Variants in ERC2 observed in about 807,000 individuals in gnomAD.
The protein encoded by ERC2 is ELKS/RAB6-interacting/CAST family member 2.
A neutral mutation model predicts 114.8 loss-of-function variants in ERC2; 42 were observed. The ratio of observed to expected loss-of-function variants is 0.37; its 90% CI spans 0.29 to 0.47. The LOEUF (loss-of-function observed/expected upper bound fraction) is 0.47. Among genes scored for constraint, ERC2 ranks in the 20% least tolerant of loss-of-function variants. The pLI, the probability that ERC2 is intolerant of heterozygous loss-of-function variation, is 0.99. For missense variants in ERC2, 939 were observed against 1,150.7 expected (o/e 0.82, Z 2.66); for synonymous variants, 454 against 425.5 (o/e 1.07, Z -0.82).
At position 55,622,171 on chromosome 3, in the gene ERC2, C is replaced by T. The variant is rs370155327; in HGVS notation, c.*39+61623G>A. On this transcript the variant is annotated intron_variant, in intron 17 of 17. Transcript: ENST00000288221. ...CGGCCACACTTCCCTTGGTAAAGAA[C>T]GCTTTGCTTTCGATGACCAAAACAA... is the stretch of plus-strand genomic sequence containing the variant. Among the ~76,000 whole-genome samples the T allele has an allele frequency of 3.3e-5, 5 of 152,298 alleles. No homozygotes were observed. The South Asian group carries it at 6.2e-4, about 19-fold the overall frequency.
intron 17 of ERC2, among the ~76,000 whole-genome samples, chr3:55,671,593 A>C (rs2061562315): frequency 6.6e-6 from 1 of 152,160 alleles, no homozygotes; most frequent in African/African-American, 2.4e-5. Flanking sequence ...TATGCCCATT[A>C]AGCTCCACAT....
chr3:56,401,678 G>A (rs1284499838), intron 2 of ERC2, among the ~76,000 whole-genome samples: 1 of 152,096 alleles, frequency 6.6e-6, no homozygotes, highest in East Asian at 1.9e-4. Context: ...ATAGCTGCTG[G>A]GCAAAGGTGA....
intron 17 of ERC2, among the ~76,000 whole-genome samples, chr3:55,521,123 T>C (rs937520314): frequency 6.6e-6 from 1 of 152,226 alleles, no homozygotes; most frequent in East Asian, 1.9e-4. Flanking sequence ...TGAGGTGGAA[T>C]GCCATTTACT....
At chr3:56,173,668 T>C (rs965253864) in intron 3 of ERC2, 148 bp from the exon 4 acceptor site, 2 of 635,188 alleles carry the variant, frequency 3.1e-6, no homozygotes, top group African/African-American at 1.9e-5. Flanking sequence ...CCACACTCTT[T>C]AGCATCCCTC....
At chr3:56,209,496 A>C (rs1056258851) in intron 3 of ERC2, among the ~76,000 whole-genome samples, 5 of 152,194 alleles carry the variant, frequency 3.3e-5, no homozygotes, top group African/African-American at 1.2e-4. Context: ...GAGGGTGTAG[A>C]CCATTTCTGT....
chr3:56,188,730 T>G (rs2083793243), intron 3 of ERC2, among the ~76,000 whole-genome samples: 1 of 152,206 alleles, frequency 6.6e-6, no homozygotes, highest in African/African-American at 2.4e-5. Flanking sequence ...GTCCAGCTTC[T>G]CTCTCCCAGC....
At chr3:55,603,322 C>A in intron 17 of ERC2, among the ~76,000 whole-genome samples, 1 of 152,126 alleles carries the variant, frequency 6.6e-6, no homozygotes, top group African/African-American at 2.4e-5. Flanking sequence ...GTTCTTGGAT[C>A]CAGAAGTCCT....
intron 14 of ERC2, among the ~76,000 whole-genome samples, chr3:55,809,866 T>C (rs1022829294): frequency 6.6e-6 from 1 of 152,180 alleles, no homozygotes; most frequent in African/African-American, 2.4e-5. Context: ...CATTTTCAGA[T>C]ACACCAAATA....
At chr3:56,194,058 C>A (rs1575768920) in intron 3 of ERC2, among the ~76,000 whole-genome samples, 1 of 152,128 alleles carries the variant, frequency 6.6e-6, no homozygotes, top group African/African-American at 2.4e-5. Context: ...TCTACATTTT[C>A]CATCATGCCA....
intron 10 of ERC2, among the ~76,000 whole-genome samples, chr3:55,994,523 T>C (rs2071338647): frequency 1.3e-5 from 2 of 151,756 alleles, no homozygotes. Flanking sequence ...CGGGGGGAGA[T>C]ATTACTCACT....
intron 12 of ERC2, among the ~76,000 whole-genome samples, chr3:55,965,395 G>A (rs1179522289): frequency 6.6e-6 from 1 of 152,184 alleles, no homozygotes; most frequent in Non-Finnish European, 1.5e-5. Flanking sequence ...AATTTAAGTA[G>A]TCTCATGTGG....
At chr3:55,511,882 G>A (rs1021553113) in intron 17 of ERC2, among the ~76,000 whole-genome samples, 1 of 152,184 alleles carries the variant, frequency 6.6e-6, no homozygotes, top group African/African-American at 2.4e-5. Context: ...ATCCTGGGAA[G>A]CAATAGTGCA....
intron 10 of ERC2, among the ~76,000 whole-genome samples, chr3:56,001,107 T>G (rs1430294271): frequency 7.6e-6 from 1 of 131,066 alleles, no homozygotes; most frequent in African/African-American, 2.9e-5. Context: ...AACACAAGAG[T>G]GAGAGAAGGA....
At chr3:55,576,741 C>T (rs912251189) in intron 17 of ERC2, among the ~76,000 whole-genome samples, 1 of 152,248 alleles carries the variant, frequency 6.6e-6, no homozygotes, top group Non-Finnish European at 1.5e-5. Context: ...GGGCTGACGG[C>T]CCCGTCCTCG....
intron 12 of ERC2, among the ~76,000 whole-genome samples, chr3:55,975,759 G>A (rs1208737573): frequency 1.3e-5 from 2 of 152,038 alleles, no homozygotes; most frequent in Non-Finnish European, 2.9e-5. Flanking sequence ...AGCCCTTTCT[G>A]CCCTTCTTCT....
chr3:55,541,341 G>A (rs1253069022), intron 17 of ERC2, among the ~76,000 whole-genome samples: 2 of 152,122 alleles, frequency 1.3e-5, no homozygotes, highest in African/African-American at 4.8e-5. Flanking sequence ...AAACAGTCTG[G>A]CTCCCCCTTA....
intron 14 of ERC2, among the ~76,000 whole-genome samples, chr3:55,739,588 C>T (rs1294576999): frequency 3.4e-5 from 1 of 29,372 alleles, no homozygotes; most frequent in Non-Finnish European, 6.2e-5. Flanking sequence ...ATATCCTTTG[C>T]CCACTTTTTG....
Position 55,898,498 on chromosome 3 carries a change from A to T in ERC2, c.2404-9949T>A, listed in dbSNP as rs186395039. 5.3e-5 allele frequency among the ~76,000 whole-genome samples: 8 copies of T among 152,118 alleles called. No individual in the cohort carries two copies. The East Asian group carries it at 1.5e-3, about 29-fold the overall frequency. ...GGTGTGATTTTAGGAAAGGAGCTTG[A>T]CCTCTATGTACGTCAGCTTCCTCTT... On this transcript the variant is annotated intron_variant, in intron 13 of 17. Coordinates refer to ENST00000288221, the MANE Select transcript of ERC2 (RefSeq NM_015576.3).
At chr3:55,539,389 TTC>T (rs1328654934) in intron 17 of ERC2, among the ~76,000 whole-genome samples, 5 of 148,546 alleles carry the variant, frequency 3.4e-5, no homozygotes, top group Non-Finnish European at 7.5e-5. Flanking sequence ...TCTTTTTTCT[TTC>T]TCTCTCTCTC....
Sources: gnomAD v4.1 joint callset for allele counts (sites outside exome capture counted in the v4.1 genomes callset) on GRCh38, gnomAD v4.1.1 for gene constraint, MANE v1.5 for transcripts, NCBI Gene and HGNC (gene_info 2026-07-23, HGNC 2026-07-21) for gene names.